PRKG1: variants seen among roughly 807,000 people sequenced by gnomAD.
PRKG1 encodes cGMP-dependent protein kinase 1.
Under a neutral mutation model 88.1 loss-of-function variants are expected in PRKG1, and 35 were observed. The ratio of observed to expected loss-of-function variants is 0.40; its 90% confidence interval spans 0.30 to 0.53. PRKG1 has a LOEUF of 0.53. Among genes scored for constraint, PRKG1 ranks in the 20% least tolerant of loss-of-function variants. PRKG1 has a pLI of 0.59. For synonymous variants in PRKG1, 303 were observed against 292.5 expected (o/e 1.04, Z -0.37); for missense variants, 540 against 839.8 (o/e 0.64, Z 4.41).
intron 3 of PRKG1, among the ~76,000 whole-genome samples, chr10:51,651,732 C>T (rs963804396): frequency 6.6e-6 from 1 of 151,848 alleles, no homozygotes; most frequent in African/African-American, 2.4e-5. Flanking sequence ...TACAGGTGCA[C>T]GTCACCATGC....
intron 5 of PRKG1, among the ~76,000 whole-genome samples, chr10:51,964,152 A>G (rs957441863): frequency 2.0e-5 from 3 of 152,272 alleles, no homozygotes; most frequent in African/African-American, 7.2e-5. Context: ...TTTTGCTGAC[A>G]TTGACCCTCT....
chr10:51,319,699 A>T (rs1020309730), intron 2 of PRKG1: 1 of 152,216 alleles, frequency 6.6e-6, no homozygotes, highest in Non-Finnish European at 1.5e-5. Context: ...TATTCAAATA[A>T]CCATGGCTTT....
At chr10:51,406,171 C>T (rs1043234280) in intron 2 of PRKG1, among the ~76,000 whole-genome samples, 2 of 152,114 alleles carry the variant, frequency 1.3e-5, no homozygotes, top group Non-Finnish European at 2.9e-5. Context: ...CACTCCAGCC[C>T]CACTGCCTGC....
intron 1 of PRKG1, among the ~76,000 whole-genome samples, chr10:51,011,221 G>T (rs1190906371): frequency 1.3e-5 from 2 of 152,022 alleles, no homozygotes; most frequent in Non-Finnish European, 2.9e-5. Flanking sequence ...GTGGGGAGGG[G>T]GCGGTGTTGA....
chr10:51,479,177 A>G (rs1397277075), intron 3 of PRKG1, among the ~76,000 whole-genome samples: 1 of 152,074 alleles, frequency 6.6e-6, no homozygotes, highest in African/African-American at 2.4e-5. Flanking sequence ...AAAACAGCAG[A>G]ATATTTTTCT....
Position 52,012,061 on chromosome 10 carries a change from G to A in PRKG1, c.763-42423G>A, listed in dbSNP as rs1244150899. 4.6e-5 allele frequency among the ~76,000 whole-genome samples: 7 copies of A among 152,054 alleles called. No individual in the cohort carries two copies. In the East Asian group the frequency reaches 1.4e-3, roughly 29 times the overall value. On this transcript the variant is annotated intron_variant, in intron 5 of 17. Transcript: ENST00000373980. The stretch of plus-strand genomic sequence containing the variant: ...AGTCTTGGGTATGTCTTTATCAGCA[G>A]CATGAAAATTGACTAATACACCTCT...
intron 3 of PRKG1, among the ~76,000 whole-genome samples, chr10:51,677,572 A>G (rs1022914395): frequency 1.3e-5 from 2 of 152,212 alleles, no homozygotes; most frequent in African/African-American, 4.8e-5. Context: ...AACAGTAAGA[A>G]TTCTGCACCC....
intron 5 of PRKG1, among the ~76,000 whole-genome samples, chr10:51,911,729 T>C (rs1842221400): frequency 6.6e-6 from 1 of 152,162 alleles, no homozygotes; most frequent in South Asian, 2.1e-4. Context: ...TCAGATAAAG[T>C]GAAGCAAATT....
chr10:51,566,985 A>G (rs1399343134), intron 3 of PRKG1, among the ~76,000 whole-genome samples: 1 of 152,000 alleles, frequency 6.6e-6, no homozygotes, highest in Non-Finnish European at 1.5e-5. Flanking sequence ...ATGGGAGGTG[A>G]TAATATGTTA....
At chr10:51,764,739 G>A (rs73347209) in intron 3 of PRKG1, among the ~76,000 whole-genome samples, 1 of 151,984 alleles carries the variant, frequency 6.6e-6, no homozygotes, top group Admixed American at 6.6e-5. Flanking sequence ...CTGAATGTTT[G>A]GTCTCCCCCC....
At chr10:51,232,445 A>T (rs1412054749) in intron 2 of PRKG1, among the ~76,000 whole-genome samples, 3 of 152,178 alleles carry the variant, frequency 2.0e-5, no homozygotes, top group Non-Finnish European at 4.4e-5. Flanking sequence ...TTGATGCAAA[A>T]TGGGACGCTT....
In PRKG1 at chr10:51,873,556, C is replaced by G. The variant is rs182952474; in HGVS notation, c.699-33951C>G. ...TTTTTTTTTTTTTTTGAGACGGAGTCTTGCTCTGTCGCCCAGGCTAGAGTG... is the reference window on the plus strand; with the variant it reads ...TTTTTTTTTTTTTTTGAGACGGAGTGTTGCTCTGTCGCCCAGGCTAGAGTG... On this transcript the variant is annotated intron_variant, in intron 4 of 17. Coordinates refer to ENST00000373980, the MANE Select transcript of PRKG1 (RefSeq NM_006258.4). 3.1e-3 allele frequency among the ~76,000 whole-genome samples: 423 copies of G among 136,398 alleles called. 4 individuals carry two copies. Among genetic ancestry groups the G allele is most frequent in the African/African-American group, 0.011 (377 of 35,482 alleles). 89.5% of individuals were successfully genotyped at this position (136,398 alleles called of 152,430 possible).
At chr10:51,678,167 C>A (rs182284354) in intron 3 of PRKG1, among the ~76,000 whole-genome samples, 68 of 152,206 alleles carry the variant, frequency 4.5e-4, no homozygotes, top group African/African-American at 1.6e-3. Flanking sequence ...CAATCATTAA[C>A]AAATATAAAG....
At chr10:51,707,615 C>T (rs933027653) in intron 3 of PRKG1, among the ~76,000 whole-genome samples, 5 of 150,984 alleles carry the variant, frequency 3.3e-5, no homozygotes, top group Admixed American at 1.3e-4. Context: ...GTGACCGGAA[C>T]AATACAACAC....
intron 6 of PRKG1, among the ~76,000 whole-genome samples, chr10:52,061,426 G>A (rs866102536): frequency 6.6e-6 from 1 of 152,056 alleles, no homozygotes; most frequent in African/African-American, 2.4e-5. Flanking sequence ...CCGGGTAGGT[G>A]AATTTTAACT....
At chr10:51,136,637 G>A (rs185834621) in intron 1 of PRKG1, among the ~76,000 whole-genome samples, 1 of 150,938 alleles carries the variant, frequency 6.6e-6, no homozygotes, top group Non-Finnish European at 1.5e-5. Context: ...GAAAATACAG[G>A]AGATATATGG....
chr10:51,213,334 G>C (rs1488703926), intron 2 of PRKG1, among the ~76,000 whole-genome samples: 1 of 152,090 alleles, frequency 6.6e-6, no homozygotes, highest in Admixed American at 6.6e-5. Flanking sequence ...GGGGAGGGGG[G>C]AGGTATAGCA....
At chr10:51,875,586 A>T (rs1415871652) in intron 4 of PRKG1, among the ~76,000 whole-genome samples, 7 of 152,166 alleles carry the variant, frequency 4.6e-5, no homozygotes. Flanking sequence ...TTCTCTTTAA[A>T]TAGAAAGCTC....
chr10:51,146,016 AAAAC>A (rs892827965), intron 1 of PRKG1, among the ~76,000 whole-genome samples: 35 of 151,536 alleles, frequency 2.3e-4, no homozygotes, highest in Non-Finnish European at 3.5e-4. Flanking sequence ...AAAATACGAA[AAAAC>A]AAACAAACAA....
Sources: gnomAD v4.1 joint callset for allele counts (sites outside exome capture counted in the v4.1 genomes callset) on GRCh38, gnomAD v4.1.1 for gene constraint, MANE v1.5 for transcripts, NCBI Gene and HGNC (gene_info 2026-07-23, HGNC 2026-07-21) for gene names.